The following PMEPA1 variants were observed in gnomAD, a reference collection of about 807,000 sequenced individuals.
PMEPA1 encodes the protein prostate transmembrane protein, androgen induced 1.
A neutral mutation model predicts 23.0 loss-of-function variants in PMEPA1; 11 were observed. The observed-to-expected ratio is 0.48, with a 90% CI of 0.30 to 0.79. The LOEUF (loss-of-function observed/expected upper bound fraction) is 0.79. Among genes scored for constraint, PMEPA1 ranks in the 30% least tolerant of loss-of-function variants. The pLI is 0.06. For missense variants in PMEPA1, 377 were observed against 390.9 expected, an observed-to-expected ratio of 0.96 and a Z score of 0.30; for synonymous variants, 204 against 166.4, an observed-to-expected ratio of 1.23 and a Z score of -1.74.
intron 1 of PMEPA1, chr20:57,690,578 G>T (rs1822715784): frequency 3.2e-6 from 4 of 1,258,192 alleles, no homozygotes; most frequent in East Asian, 5.6e-5. Flanking sequence ...CATTGCTATG[G>T]CGGGTGTAGA....
chr20:57,708,392 G>A (rs554829474), intron 1 of PMEPA1, among the ~76,000 whole-genome samples: 1 of 152,326 alleles, frequency 6.6e-6, no homozygotes, highest in East Asian at 1.9e-4. Flanking sequence ...GCCAGAACCC[G>A]GGAGGTAGTG....
chr20:57,669,907 A>G (rs1372996163), intron 1 of PMEPA1, among the ~76,000 whole-genome samples: 1 of 152,192 alleles, frequency 6.6e-6, no homozygotes, highest in Non-Finnish European at 1.5e-5. Flanking sequence ...AGCATCTGTC[A>G]GTATCCAAAA....
upstream of PMEPA1, chr20:57,710,818 T>C (rs2072171812): frequency 3.8e-6 from 1 of 264,336 alleles, no homozygotes; most frequent in Non-Finnish European, 7.0e-6. Context: ...ATTCTTCAGG[T>C]TTAAAAAGAT....
chr20:57,667,419 G>A (rs2071509274), intron 1 of PMEPA1, among the ~76,000 whole-genome samples: 1 of 152,172 alleles, frequency 6.6e-6, no homozygotes, highest in South Asian at 2.1e-4. Context: ...GGCGGCGACT[G>A]AGTTTCTCAG....
At chr20:57,671,550 G>GTA (rs894989170) in intron 1 of PMEPA1, among the ~76,000 whole-genome samples, 2 of 151,968 alleles carry the variant, frequency 1.3e-5, no homozygotes, top group Non-Finnish European at 2.9e-5. Context: ...AAACAAATAT[G>GTA]TATATACACA....
In PMEPA1 at chr20:57,681,478, G is replaced by A. The variant is rs919871035; in HGVS notation, c.110-21781C>T. 7.9e-5 allele frequency among the ~76,000 whole-genome samples: 12 copies of A among 152,314 alleles called. No individual in the cohort carries two copies. In the East Asian group the frequency reaches 1.5e-3, roughly 20 times the overall value. ...AGGGTGTCCCCTGCCTGAGACGACC[G>A]TGAGGATGGTGTGGCGCTGCCTCTT... On this transcript the variant is annotated intron_variant, in intron 1 of 3. Coordinates refer to ENST00000341744, the MANE Select transcript of PMEPA1 (RefSeq NM_020182.5).
chr20:57,669,985 C>G (rs1212288248), intron 1 of PMEPA1, among the ~76,000 whole-genome samples: 3 of 152,098 alleles, frequency 2.0e-5, no homozygotes, highest in Non-Finnish European at 4.4e-5. Context: ...CCTGGGCTGA[C>G]AAGGGCTGCT....
chr20:57,664,392 C>T (rs1161790570), intron 1 of PMEPA1, among the ~76,000 whole-genome samples: 2 of 152,276 alleles, frequency 1.3e-5, no homozygotes, highest in Non-Finnish European at 1.5e-5. Flanking sequence ...AAGTCCCACA[C>T]ATCCCTCTGG....
chr20:57,670,189 G>A (rs1282924355), intron 1 of PMEPA1, among the ~76,000 whole-genome samples: 2 of 151,570 alleles, frequency 1.3e-5, no homozygotes, highest in East Asian at 3.9e-4. Flanking sequence ...CTCCTGGCCT[G>A]GAGGTAGGGG....
rs1214429275 is a variant in PMEPA1 at position 57,704,278 on chromosome 20, C to T, written c.109+5196G>A. ...GACTCTTGCCCCTGGTTCCCTGGAG[C>T]CCACCCCAAAGACAACTGAGTTTGC... On this transcript the variant is annotated intron_variant, in intron 1 of 3. Coordinates refer to ENST00000341744, the MANE Select transcript of PMEPA1 (RefSeq NM_020182.5). The surrounding 1 kb of genome is among the most constrained non-coding windows in gnomAD (Gnocchi z 4.6). 6.6e-6 allele frequency among the ~76,000 whole-genome samples: 1 copy of T among 152,126 alleles called. No homozygotes were observed. The highest frequency in any genetic ancestry group is 6.5e-5 in the Admixed American group (1 of 15,276).
At chr20:57,660,287 C>T (rs2071395007) in intron 1 of PMEPA1, among the ~76,000 whole-genome samples, 1 of 152,056 alleles carries the variant, frequency 6.6e-6, no homozygotes, top group Admixed American at 6.5e-5. Context: ...AACCTATGCA[C>T]ACCTGACACT....
rs2071333062 is a variant in PMEPA1, at chr20:57,656,818, C to G, written c.264+2725G>C. ...CTGAAAAGGGGCCATGGTCGGATAG[C>G]CATGCCAGGGGCAGAGCATGGATGG... On this transcript the variant is annotated intron_variant, in intron 2 of 3. Transcript: ENST00000341744. The surrounding 1 kb of genome is among the most constrained non-coding windows in gnomAD (Gnocchi z 4.7). Among the ~76,000 whole-genome samples, 1 of 152,216 alleles carries G rather than the reference C, an allele frequency of 6.6e-6. No homozygotes were observed. The highest frequency in any genetic ancestry group is 1.5e-5 in the Non-Finnish European group (1 of 68,032).
chr20:57,705,134 C>T (rs1455153810), intron 1 of PMEPA1, among the ~76,000 whole-genome samples: 3 of 151,976 alleles, frequency 2.0e-5, no homozygotes, highest in Non-Finnish European at 4.4e-5. Context: ...ACTGTGTGTG[C>T]GCGTGTGTGT....
chr20:57,700,005 T>C, intron 1 of PMEPA1: 1 of 471,014 alleles, frequency 2.1e-6, no homozygotes, highest in Admixed American at 2.3e-5. Flanking sequence ...GCTCTAAATA[T>C]AAAAACACAC....
intron 1 of PMEPA1, among the ~76,000 whole-genome samples, chr20:57,685,986 G>A (rs1286521541): frequency 1.3e-5 from 2 of 152,136 alleles, no homozygotes; most frequent in Non-Finnish European, 2.9e-5. Flanking sequence ...GAAAGACAGG[G>A]TTGGAGGTGG....
intron 1 of PMEPA1, among the ~76,000 whole-genome samples, chr20:57,665,208 C>T (rs748265115): frequency 6.6e-6 from 1 of 152,156 alleles, no homozygotes; most frequent in Admixed American, 6.5e-5. Context: ...ATTTAGGTAA[C>T]ATCACCATGC....
intron 1 of PMEPA1, among the ~76,000 whole-genome samples, chr20:57,672,374 C>T (rs1005328571): frequency 6.6e-5 from 10 of 152,246 alleles, no homozygotes; most frequent in Admixed American, 5.9e-4. Flanking sequence ...GGATGGCGGG[C>T]GGCGCCCAGG....
rs980804939 is a variant in PMEPA1, at chr20:57,651,198, G to A, written c.*855C>T. The A allele has an allele frequency of 7.2e-5, 11 of 152,200 alleles. No individual in the cohort carries two copies. Among genetic ancestry groups the A allele is most frequent in the African/African-American group, 2.2e-4 (9 of 41,440 alleles). The allele number at this position is 152,200 out of a possible 1,614,324, so 9.4% of individuals were successfully genotyped here. On this transcript the variant is annotated 3_prime_UTR_variant, in exon 4 of 4. Transcript: ENST00000341744. ...TCAGGGGGGAAAAGGTGTCTCCTTCGGTAGGGAATATATAACGTGGTGATA... is the reference window on the plus strand; with the variant it reads ...TCAGGGGGGAAAAGGTGTCTCCTTCAGTAGGGAATATATAACGTGGTGATA...
rs147407527 is a variant in PMEPA1, at chr20:57,688,842, C to A, written c.109+20632G>T. 8.9e-3 allele frequency among the ~76,000 whole-genome samples: 1,350 copies of A among 151,998 alleles called. 4 individuals carry two copies. Among genetic ancestry groups the A allele is most frequent in the Non-Finnish European group, 0.014 (979 of 67,930 alleles). ...AACGGCCATGAGGACAAGGTGGCTT[C>A]GGGGATGTTCCCGCCTGTCCTCCCC... On this transcript the variant is annotated intron_variant, in intron 1 of 3. Transcript: ENST00000341744.
Sources: allele counts gnomAD v4.1 joint callset (sites outside exome capture counted in the v4.1 genomes callset), GRCh38; gene constraint gnomAD v4.1.1; non-coding constraint Gnocchi (gnomAD v3.1); transcripts MANE v1.5; gene names NCBI Gene and HGNC (gene_info 2026-07-23, HGNC 2026-07-21).